The following DHH variants were observed in gnomAD, a reference collection of about 807,000 sequenced individuals.
DHH encodes the protein desert hedgehog protein.
A neutral mutation model predicts 27.6 loss-of-function variants in DHH; 16 were observed. That is an observed-to-expected ratio of 0.58 (90% CI 0.39 to 0.88). The LOEUF is 0.88. Among genes scored for constraint, DHH ranks in the 40% least tolerant of loss-of-function variants. The pLI is 0.00. For synonymous variants in DHH, 289 were observed against 263.4 expected (o/e 1.10, Z -0.94); for missense variants, 436 against 563.1 (o/e 0.77, Z 2.28).
chr12:49,090,690 TG>T lies in DHH; in HGVS notation c.566-207del, dbSNP rs1939285016. Reference sequence around the variant, plus strand: ...TTCTATGTATGTATGTATGTATGTATGTATGTATGTATGTATGTATGTATTT... The same window carrying T: ...TTCTATGTATGTATGTATGTATGTATTATGTATGTATGTATGTATGTATTT... On this transcript the variant is annotated intron_variant, in intron 2 of 2. Coordinates refer to ENST00000649637, the MANE Select transcript of DHH (RefSeq NM_021044.4). This position sits in a 1 kb window ranked among gnomAD's most constrained non-coding sequence, Gnocchi z 5.2. 6.7e-6 allele frequency among the ~76,000 whole-genome samples: 1 copy of T among 149,530 alleles called. No homozygotes were observed. The highest frequency in any genetic ancestry group is 1.5e-5 in the Non-Finnish European group (1 of 67,338).
Position 49,089,933 on chromosome 12 carries a change from C to G in DHH, c.1117G>C (p.Gly373Arg). ...LHALGALLPG[G>R]AVQPTGMHWY... ...TGCATGCCAGTCGGCTGGACGGCCC[C>G]GCCGGGGAGCAGCGCCCCTAGCGCG... Residue 373 changes from glycine (G) to arginine (R), a missense_variant, in exon 3 of 3, where the codon GGG (glycine) becomes CGG (arginine). Physicochemically the swap from Gly to Arg is moderately radical, Grantham distance 125. Transcript: ENST00000649637. 6.3e-7 allele frequency: 1 copy of G among 1,585,112 alleles called. No individual in the cohort carries two copies. The highest frequency in any genetic ancestry group is 8.6e-7 in the Non-Finnish European group (1 of 1,166,718).
Position 49,091,424 on chromosome 12 carries a change from C to A in DHH, c.304-35G>T, listed in dbSNP as rs1394488798. 6.2e-7 allele frequency: 1 copy of A among 1,612,094 alleles called. No individual in the cohort carries two copies. The highest frequency in any genetic ancestry group is 8.5e-7 in the Non-Finnish European group (1 of 1,179,640). On this transcript the variant is annotated intron_variant, in intron 1 of 2. Coordinates refer to ENST00000649637, the MANE Select transcript of DHH (RefSeq NM_021044.4). The surrounding 1 kb of genome is among the most constrained non-coding windows in gnomAD (Gnocchi z 4.8). ...AATAAAGGAGTCAGTCTCCCCACCA[C>A]CACCCTTGGGGCAAAAGGGACCTGG...
Position 49,094,434 on chromosome 12 carries a change from G to A in DHH, c.79C>T (p.Arg27Trp). Residue 27 changes from arginine (R) to tryptophan (W), a missense_variant, in exon 1 of 3, where the codon CGG becomes TGG. Arg to Trp is a moderately radical substitution (Grantham distance 101). Coordinates refer to ENST00000649637, the MANE Select transcript of DHH (RefSeq NM_021044.4). ...ALPAQSCGPG[R>W]GPVGRRRYAR... Reference sequence around the variant, plus strand: ...TAGCGGCGCCGGCCAACCGGCCCCCGGCCCGGCCCGCAGCTCTGGGCTGGC... The same window carrying A: ...TAGCGGCGCCGGCCAACCGGCCCCCAGCCCGGCCCGCAGCTCTGGGCTGGC... The A allele has an allele frequency of 1.2e-6, 2 of 1,604,032 alleles. No individual in the cohort carries two copies. Among genetic ancestry groups the A allele is most frequent in the Non-Finnish European group, 1.7e-6 (2 of 1,175,808 alleles).
chr12:49,090,406 C>T lies in DHH; in HGVS notation c.644G>A (p.Gly215Glu). The change falls in exon 3 of 3, where the codon GGG becomes GAG. Residue 215 changes from glycine (G) to glutamate (E), a missense_variant. Coordinates refer to ENST00000649637, the MANE Select transcript of DHH (RefSeq NM_021044.4). This position sits in a 1 kb window ranked among gnomAD's most constrained non-coding sequence, Gnocchi z 5.2. Reference protein sequence around the residue: ...TVRLWSGERKGLRELHRGDWV... With the variant: ...TVRLWSGERKELRELHRGDWV... ...GTCTCCGCGGTGCAGTTCCCGCAGC[C>T]CTTTCCGCTCGCCGCTCCACAGGCG... 6.2e-7 allele frequency: 1 copy of T among 1,609,690 alleles called. No individual in the cohort carries two copies.
Position 49,091,538 on chromosome 12 carries a change from G to T in DHH, c.304-149C>A, listed in dbSNP as rs1170420018. The T allele has an allele frequency of 1.6e-6, 2 of 1,220,564 alleles. No homozygotes were observed. Among genetic ancestry groups the T allele is most frequent in the Non-Finnish European group, 2.3e-6 (2 of 869,656 alleles). The allele number at this position is 1,220,564 out of a possible 1,614,324, so 75.6% of individuals were successfully genotyped here. On this transcript the variant is annotated intron_variant, in intron 1 of 2. Coordinates refer to ENST00000649637, the MANE Select transcript of DHH (RefSeq NM_021044.4). This position sits in a 1 kb window ranked among gnomAD's most constrained non-coding sequence, Gnocchi z 4.8. Reference sequence around the variant, plus strand: ...TGGAGAAATGAGAATCTGAGTCGATGGTAGTCACCAATCTGCACTCTGTTC... The same window carrying T: ...TGGAGAAATGAGAATCTGAGTCGATTGTAGTCACCAATCTGCACTCTGTTC...
In DHH at chr12:49,087,674, G is replaced by A. The variant is rs1939229855; in HGVS notation, c.*2185C>T. Among the ~76,000 whole-genome samples the A allele has an allele frequency of 6.6e-6, 1 of 152,214 alleles. No homozygotes were observed. The highest frequency in any genetic ancestry group is 1.5e-5 in the Non-Finnish European group (1 of 68,034). ...ACCAAGGTCACACCACTGCACTCCA[G>A]CGTGGGCAACAGAGCGAGATCCTGT... is the stretch of plus-strand genomic sequence containing the variant. On this transcript the variant is annotated 3_prime_UTR_variant, in exon 3 of 3. Transcript: ENST00000649637.
intron 1 of DHH, among the ~76,000 whole-genome samples, chr12:49,092,611 G>A (rs976234825): frequency 2.0e-5 from 3 of 152,220 alleles, no homozygotes; most frequent in Non-Finnish European, 4.4e-5. Context: ...GGTTGGGTGG[G>A]GGGAAAACAG....
Position 49,087,930 on chromosome 12 carries a change from G to T in DHH, c.*1929C>A, listed in dbSNP as rs1411565448. Among the ~76,000 whole-genome samples the T allele has an allele frequency of 6.6e-6, 1 of 152,156 alleles. No homozygotes were observed. Among genetic ancestry groups the T allele is most frequent in the Non-Finnish European group, 1.5e-5 (1 of 68,030 alleles). On this transcript the variant is annotated 3_prime_UTR_variant, in exon 3 of 3. Coordinates refer to ENST00000649637, the MANE Select transcript of DHH (RefSeq NM_021044.4). ...GTTTCTGAGACCCGGAAAAACAAAG[G>T]TGGCAACAGAGCCTCAGTGTGGGTT...
At position 49,087,918 on chromosome 12, in the gene DHH, G is replaced by A. The variant is rs1423133926; in HGVS notation, c.*1941C>T. Among the ~76,000 whole-genome samples the A allele has an allele frequency of 2.6e-5, 4 of 152,158 alleles. No homozygotes were observed. Among genetic ancestry groups the A allele is most frequent in the Non-Finnish European group, 5.9e-5 (4 of 68,028 alleles). ...AGCTTGGGATGTGTTTCTGAGACCC[G>A]GAAAAACAAAGGTGGCAACAGAGCC... On this transcript the variant is annotated 3_prime_UTR_variant, in exon 3 of 3. Coordinates refer to ENST00000649637, the MANE Select transcript of DHH (RefSeq NM_021044.4).
At position 49,094,632 on chromosome 12, in the gene DHH, G is replaced by A. The variant is rs983292892; in HGVS notation, c.-120C>T. 5.0e-6 allele frequency: 6 copies of A among 1,205,346 alleles called. No individual in the cohort carries two copies. Among genetic ancestry groups the A allele is most frequent in the African/African-American group, 3.0e-5 (2 of 66,060 alleles). 74.7% of individuals were successfully genotyped at this position (1,205,346 alleles called of 1,614,324 possible). ...GCACAGCTGCCCCCAGAGTGCCCTA[G>A]AGCTCTTGTGGCTCCGTGCACCTGG... is the stretch of plus-strand genomic sequence containing the variant. On this transcript the variant is annotated 5_prime_UTR_variant, in exon 1 of 3. Transcript: ENST00000649637.
Position 49,088,567 on chromosome 12 carries a change from CT to C in DHH, c.*1291del, listed in dbSNP as rs1939244170. Reference sequence around the variant, plus strand: ...CCTCACCTCCACCCAAGACACTTCCCTTCTGGAGCAGCCCAGCTTCCTCCAG... The same window carrying C: ...CCTCACCTCCACCCAAGACACTTCCCTCTGGAGCAGCCCAGCTTCCTCCAG... On this transcript the variant is annotated 3_prime_UTR_variant, in exon 3 of 3. Transcript: ENST00000649637. 6.6e-6 allele frequency among the ~76,000 whole-genome samples: 1 copy of C among 152,200 alleles called. No homozygotes were observed. Among genetic ancestry groups the C allele is most frequent in the South Asian group, 2.1e-4 (1 of 4,826 alleles).
At position 49,089,275 on chromosome 12, in the gene DHH, A is replaced by T. The variant is rs908813452; in HGVS notation, c.*584T>A. On this transcript the variant is annotated 3_prime_UTR_variant, in exon 3 of 3. Transcript: ENST00000649637. ...ACGACTCTTGTGGGCTCTGTTGCTT[A>T]TGGGTTGGGATGCCCCTTCTGAAGG... 3.3e-5 allele frequency: 5 copies of T among 152,662 alleles called. No homozygotes were observed. Among genetic ancestry groups the T allele is most frequent in the African/African-American group, 1.2e-4 (5 of 41,468 alleles). 9.5% of individuals were successfully genotyped at this position (152,662 alleles called of 1,614,324 possible). A position where few individuals can be genotyped will look rare whatever the true frequency, so the allele number is the denominator to read the frequency against.
chr12:49,092,047 C>T (rs1247412247), intron 1 of DHH, among the ~76,000 whole-genome samples: 1 of 152,180 alleles, frequency 6.6e-6, no homozygotes, highest in Non-Finnish European at 1.5e-5. Context: ...GAATCCTGAG[C>T]CCAGGCCGGG....
rs1398546301 is a variant in DHH, at chr12:49,091,329, G to A, written c.364C>T (p.Arg122Cys). Residue 122 changes from arginine to cysteine, a missense_variant, in exon 2 of 3, where the codon CGC becomes TGC. Coordinates refer to ENST00000649637, the MANE Select transcript of DHH (RefSeq NM_021044.4). This position sits in a 1 kb window ranked among gnomAD's most constrained non-coding sequence, Gnocchi z 4.8. ...IAVMNMWPGV[R>C]LRVTEGWDED... is the part of the protein sequence containing the mutation. ...TCCCAGCCCTCAGTCACTCGTAGGCGCACTCCGGGCCACATGTTCATCACG... is the reference window on the plus strand; with the variant it reads ...TCCCAGCCCTCAGTCACTCGTAGGCACACTCCGGGCCACATGTTCATCACG... 2 of 1,614,206 alleles carry A rather than the reference G, an allele frequency of 1.2e-6. No individual in the cohort carries two copies. Among genetic ancestry groups the A allele is most frequent in the Non-Finnish European group, 1.7e-6 (2 of 1,180,042 alleles).
At position 49,091,247 on chromosome 12, in the gene DHH, ATGT is replaced by A; in HGVS notation, c.443_445del (p.Asp148_Ile149delinsVal). 3 of 1,614,196 alleles carry A rather than the reference ATGT, an allele frequency of 1.9e-6. No individual in the cohort carries two copies. Among genetic ancestry groups the A allele is most frequent in the Non-Finnish European group, 2.5e-6 (3 of 1,180,040 alleles). On this transcript the variant is annotated inframe_deletion, in exon 2 of 3. Coordinates refer to ENST00000649637, the MANE Select transcript of DHH (RefSeq NM_021044.4). This position sits in a 1 kb window ranked among gnomAD's most constrained non-coding sequence, Gnocchi z 4.8. ...GTTGCGGTCGCGGTCAGACGTAGTG[ATGT>A]CCAAAGCACGGCCTTCGTAGTGGAG...
In DHH at chr12:49,091,115, C is replaced by T. The variant is rs369743278; in HGVS notation, c.565+13G>A. On this transcript the variant is annotated intron_variant, in intron 2 of 2. Transcript: ENST00000649637. The surrounding 1 kb of genome is among the most constrained non-coding windows in gnomAD (Gnocchi z 4.8). Reference sequence around the variant, plus strand: ...CCCTTTGGGCGGATTTTACCACCCTCCTCCTACTGTACCAGCTTTGACCGA... The same window carrying T: ...CCCTTTGGGCGGATTTTACCACCCTTCTCCTACTGTACCAGCTTTGACCGA... 8.2e-5 allele frequency: 132 copies of T among 1,614,124 alleles called. No homozygotes were observed. The highest frequency in any genetic ancestry group is 1.0e-4 in the Non-Finnish European group (123 of 1,180,050).
chr12:49,090,466 C>G lies in DHH; in HGVS notation c.584G>C (p.Arg195Pro), dbSNP rs1939279763. The change falls in exon 3 of 3, where the codon CGG becomes CCG. Residue 195 changes from arginine (R) to proline (P), a missense_variant. Arg to Pro is a moderately radical substitution (Grantham distance 103, BLOSUM62 -2). Transcript: ENST00000649637. The surrounding 1 kb of genome is among the most constrained non-coding windows in gnomAD (Gnocchi z 5.2). ...ATTTCCCGGAAAGCAGCCGCCCGCC[C>G]GGACCGCCAGTGAGTTATCTGCAGG... Reference protein sequence around the residue: ...SVKADNSLAVRAGGCFPGNAT... With the variant: ...SVKADNSLAVPAGGCFPGNAT... 2 of 1,603,046 alleles carry G rather than the reference C, an allele frequency of 1.2e-6. No individual in the cohort carries two copies. The highest frequency in any genetic ancestry group is 1.7e-6 in the Non-Finnish European group (2 of 1,179,792).
Position 49,094,770 on chromosome 12 carries a change from C to T in DHH, c.-258G>A. The T allele has an allele frequency of 1.7e-6, 1 of 584,780 alleles. No individual in the cohort carries two copies. The highest frequency in any genetic ancestry group is 2.0e-5 in the South Asian group (1 of 50,854). The allele number at this position is 584,780 out of a possible 1,614,324, so 36.2% of individuals were successfully genotyped here. ...GGTCGTGGGTGAGTGCCAGCCCAGC[C>T]CGTCTCTGCTGCAGGACTCTGGTGC... On this transcript the variant is annotated 5_prime_UTR_variant, in exon 1 of 3. Transcript: ENST00000649637.
Position 49,089,972 on chromosome 12 carries a change from A to AG in DHH, c.1077dup (p.Arg361GlufsTer56). ...GCCCCTAGCGCGTGCAGCAGTCTCA[A>AG]GGGGGCAAAAGCGCGGTGCGCCCAC... On this transcript the variant is annotated frameshift_variant, in exon 3 of 3. Transcript: ENST00000649637. LOFTEE classifies it high-confidence loss of function. 1 of 1,572,832 alleles carries AG rather than the reference A, an allele frequency of 6.4e-7. No individual in the cohort carries two copies.
Sources: allele counts gnomAD v4.1 joint callset (sites outside exome capture counted in the v4.1 genomes callset), GRCh38; gene constraint gnomAD v4.1.1; non-coding constraint Gnocchi (gnomAD v3.1); transcripts MANE v1.5; gene names NCBI Gene and HGNC (gene_info 2026-07-23, HGNC 2026-07-21).